The following RBFOX1 variants were observed in gnomAD, a reference collection of about 807,000 sequenced individuals.
The protein encoded by RBFOX1 is RNA binding fox-1 homolog 1.
In RBFOX1, 8 loss-of-function variants were observed where a neutral mutation model predicts 57.7. The ratio of observed to expected loss-of-function variants is 0.14; its 90% confidence interval spans 0.08 to 0.25. The LOEUF (loss-of-function observed/expected upper bound fraction) is 0.25, where lower values mean the gene tolerates loss of function less well. Among genes scored for constraint, RBFOX1 ranks in the 10% least tolerant of loss-of-function variants. RBFOX1 has a pLI of 1.00. For missense variants in RBFOX1, 611 were observed against 548.5 expected, an observed-to-expected ratio of 1.11 and a Z score of -1.14; for synonymous variants, 326 against 222.4, an observed-to-expected ratio of 1.47 and a Z score of -4.15.
chr16:6,976,806 T>G (rs1312658382), intron 3 of RBFOX1, among the ~76,000 whole-genome samples: 1 of 145,972 alleles, frequency 6.9e-6, no homozygotes, highest in East Asian at 2.0e-4. Context: ...ATATATGAGA[T>G]ATAAATGATC....
chr16:7,036,853 C>A (rs572089705), intron 3 of RBFOX1, among the ~76,000 whole-genome samples: 1 of 152,248 alleles, frequency 6.6e-6, no homozygotes, highest in South Asian at 2.1e-4. Flanking sequence ...GGCAGAGGAG[C>A]CCCTCATCAG....
At chr16:7,522,162 C>T (rs763581773) in intron 5 of RBFOX1, among the ~76,000 whole-genome samples, 1 of 152,162 alleles carries the variant, frequency 6.6e-6, no homozygotes, top group African/African-American at 2.4e-5. Flanking sequence ...GAGATGCCTT[C>T]AGAATAAATC....
rs1019573138 is a variant in RBFOX1 at position 5,394,978 on chromosome 16, C to G, written c.220-72238C>G. ...TGAAGCTTAATCTGATGGTGTTGCC[C>G]TCTGGCCTGTACCTTCATTGGCTCC... On this transcript the variant is annotated intron_variant, in intron 1 of 2. Coordinates refer to the RBFOX1 transcript ENST00000585867. 1.8e-4 allele frequency among the ~76,000 whole-genome samples: 27 copies of G among 152,200 alleles called. 1 individual carries two copies. The highest frequency in any genetic ancestry group is 8.8e-5 in the Non-Finnish European group (6 of 68,034).
rs561008003 is a variant in RBFOX1, at chr16:7,266,751, A to T, written c.27+214653A>T. ...AAGCAAAAAGTAAGAATTTTTAGCT[A>T]ATGTTAAATGCTACAAAGGGAAAAA... On this transcript the variant is annotated intron_variant, in intron 4 of 15. Coordinates refer to ENST00000550418, the MANE Select transcript of RBFOX1 (RefSeq NM_018723.4). 8.5e-5 allele frequency among the ~76,000 whole-genome samples: 13 copies of T among 152,186 alleles called. No homozygotes were observed. The East Asian group carries it at 2.3e-3, about 27-fold the overall frequency.
chr16:6,504,899 CA>C (rs140935626), intron 2 of RBFOX1, among the ~76,000 whole-genome samples: 60,483 of 147,702 alleles, frequency 0.41, 12,777 homozygotes, highest in Non-Finnish European at 0.49. Flanking sequence ...ACTAAAATTA[CA>C]AAAAAAAAAA....
chr16:6,057,262 T>G (rs1424248486), intron 1 of RBFOX1, among the ~76,000 whole-genome samples: 1 of 152,172 alleles, frequency 6.6e-6, no homozygotes, highest in East Asian at 1.9e-4. Flanking sequence ...ATTCATTGGC[T>G]TTATGTTGTG....
At position 6,802,466 on chromosome 16, in the gene RBFOX1, C is replaced by G. The variant is rs530117836; in HGVS notation, c.-16+147816C>G. 2.6e-5 allele frequency among the ~76,000 whole-genome samples: 4 copies of G among 152,242 alleles called. No homozygotes were observed. The South Asian group carries it at 8.3e-4, about 32-fold the overall frequency. On this transcript the variant is annotated intron_variant, in intron 3 of 15. Transcript: ENST00000550418. ...CCGAGGTGGGCACATCACCTGAGGT[C>G]AGGAGTTTGAGACCAGCCTGACCAA...
intron 3 of RBFOX1, among the ~76,000 whole-genome samples, chr16:5,828,430 G>A (rs974135096): frequency 2.6e-5 from 4 of 152,070 alleles, no homozygotes; most frequent in African/African-American, 9.7e-5. Flanking sequence ...TGCAACCACC[G>A]GGCTCACGCC....
At chr16:6,228,261 T>G (rs13339563) in intron 1 of RBFOX1, among the ~76,000 whole-genome samples, 3,058 of 152,146 alleles carry the variant, frequency 0.02, 105 homozygotes, top group African/African-American at 0.07. Flanking sequence ...AGGCAGAGGT[T>G]GCGGTGAGCT....
At chr16:5,699,360 C>G (rs942155323) in intron 3 of RBFOX1, among the ~76,000 whole-genome samples, 2 of 102,282 alleles carry the variant, frequency 2.0e-5, no homozygotes, top group Non-Finnish European at 3.8e-5. Flanking sequence ...TATATTTTCC[C>G]TTAATTTTCC....
chr16:5,320,776 G>C (rs1250182518), intron 1 of RBFOX1, among the ~76,000 whole-genome samples: 1 of 152,190 alleles, frequency 6.6e-6, no homozygotes, highest in East Asian at 1.9e-4. Context: ...ACAACTTGAA[G>C]CTCCATGGTC....
chr16:6,471,940 C>G (rs550789922), intron 2 of RBFOX1, among the ~76,000 whole-genome samples: 9 of 152,198 alleles, frequency 5.9e-5, no homozygotes, highest in Non-Finnish European at 1.0e-4. Flanking sequence ...AAGGCAACAA[C>G]TTCCCCCGTC....
chr16:7,364,494 A>G (rs778173898), intron 4 of RBFOX1, among the ~76,000 whole-genome samples: 10 of 151,780 alleles, frequency 6.6e-5, no homozygotes, highest in Admixed American at 1.3e-4. Context: ...TTCAAGTACT[A>G]GAAATCTACT....
chr16:6,520,302 C>T (rs1006374269), intron 2 of RBFOX1, among the ~76,000 whole-genome samples: 2 of 152,132 alleles, frequency 1.3e-5, no homozygotes, highest in African/African-American at 4.8e-5. Flanking sequence ...TGGCTTTAGA[C>T]AATGAGTTGT....
chr16:6,165,890 A>C (rs114289195), intron 1 of RBFOX1, among the ~76,000 whole-genome samples: 1 of 152,202 alleles, frequency 6.6e-6, no homozygotes, highest in Admixed American at 6.5e-5. Flanking sequence ...GGGCCAATGC[A>C]TGAAAAAGAG....
chr16:6,376,861 C>T (rs182508763), intron 2 of RBFOX1, among the ~76,000 whole-genome samples: 6 of 152,290 alleles, frequency 3.9e-5, no homozygotes, highest in East Asian at 3.9e-4. Flanking sequence ...TTCTAGTAGT[C>T]GTTAGGGATC....
intron 4 of RBFOX1, among the ~76,000 whole-genome samples, chr16:7,106,340 AT>A (rs1390761164): frequency 9.2e-5 from 14 of 152,178 alleles, no homozygotes; most frequent in African/African-American, 2.9e-4. Context: ...GTTTAATTAA[AT>A]GGTGAAGCTA....
At chr16:6,296,157 G>A (rs970264470) in intron 1 of RBFOX1, among the ~76,000 whole-genome samples, 4 of 152,114 alleles carry the variant, frequency 2.6e-5, no homozygotes, top group African/African-American at 7.2e-5. Context: ...CCCTCACTTC[G>A]CAGAGAGACC....
intron 1 of RBFOX1, among the ~76,000 whole-genome samples, chr16:6,021,988 A>G (rs2095089160): frequency 6.6e-6 from 1 of 152,332 alleles, no homozygotes; most frequent in South Asian, 2.1e-4. Flanking sequence ...CAGGAAAGGC[A>G]GGTGGCTTGC....
Sources: gnomAD v4.1 joint callset for allele counts (sites outside exome capture counted in the v4.1 genomes callset) on GRCh38, gnomAD v4.1.1 for gene constraint, MANE v1.5 for transcripts, NCBI Gene and HGNC (gene_info 2026-07-23, HGNC 2026-07-21) for gene names.